OLFML1: variants seen among roughly 807,000 people sequenced by gnomAD.
The protein encoded by OLFML1 is olfactomedin-like protein 1.
Under a neutral mutation model 37.3 loss-of-function variants are expected in OLFML1, and 33 were observed. The observed-to-expected ratio is 0.88, with a 90% CI of 0.67 to 1.18. The LOEUF is 1.18. Ranked by LOEUF, OLFML1 falls within the 50% of genes most tolerant of loss-of-function variation. OLFML1 has a pLI of 0.00. For missense variants in OLFML1, 545 were observed against 483.7 expected (o/e 1.13, Z -1.19); for synonymous variants, 186 against 181.3 (o/e 1.03, Z -0.21).
At position 7,509,732 on chromosome 11, in the gene OLFML1, G is replaced by A; in HGVS notation, c.753G>A (p.Leu251=). The stretch of plus-strand genomic sequence containing the variant: ...AGAGGACTGTGGAAGATCGAATGCT[G>A]CTCCCAGGAGGGGTAGGCCGAGCAT... ...LQKRTVEDRM[L]LPGGVGRALV... The change falls in exon 3 of 3, where the codon CTG becomes CTA. Residue 251 remains leucine, a synonymous_variant. Coordinates refer to ENST00000329293, the MANE Select transcript of OLFML1 (RefSeq NM_198474.4). The A allele has an allele frequency of 6.2e-7, 1 of 1,614,212 alleles. No homozygotes were observed.
rs564596946 is a variant in OLFML1 at position 7,490,538 on chromosome 11, G to C, written c.418+2123G>C. On this transcript the variant is annotated intron_variant, in intron 2 of 2. Transcript: ENST00000329293. ...AGACTACCCTTTCCCATTCCAGCTAGAGCTCAGTGGAGGTCCTGAGACTGG... is the reference window on the plus strand; with the variant it reads ...AGACTACCCTTTCCCATTCCAGCTACAGCTCAGTGGAGGTCCTGAGACTGG... Among the ~76,000 whole-genome samples, 153 of 152,276 alleles carry C rather than the reference G, an allele frequency of 1.0e-3. 1 individual carries two copies. Among genetic ancestry groups the C allele is most frequent in the African/African-American group, 3.6e-3 (151 of 41,566 alleles).
chr11:7,501,549 C>T lies in OLFML1; in HGVS notation c.419-7849C>T, dbSNP rs903459891. On this transcript the variant is annotated intron_variant, in intron 2 of 2. Transcript: ENST00000329293. ...CCACAGTGTGAGACAGGTAAGGCCACTGTGTCCCTGGGAGCAGCCAGTGAT... is the reference window on the plus strand; with the variant it reads ...CCACAGTGTGAGACAGGTAAGGCCATTGTGTCCCTGGGAGCAGCCAGTGAT... Among the ~76,000 whole-genome samples, 3 of 152,330 alleles carry T rather than the reference C, an allele frequency of 2.0e-5. No individual in the cohort carries two copies. The East Asian group carries it at 5.8e-4, about 29-fold the overall frequency.
chr11:7,510,528 T>TA lies in OLFML1; in HGVS notation c.*341dup, dbSNP rs1224236774. On this transcript the variant is annotated 3_prime_UTR_variant, in exon 3 of 3. Transcript: ENST00000329293. ...ACTCTGCCATCTTCCCTCCCACAATTAGAGTTGTATGCCAGCCCCTAATAT... is the reference window on the plus strand; with the variant it reads ...ACTCTGCCATCTTCCCTCCCACAATTAAGAGTTGTATGCCAGCCCCTAATAT... 2 of 214,882 alleles carry TA rather than the reference T, an allele frequency of 9.3e-6. No individual in the cohort carries two copies. Among genetic ancestry groups the TA allele is most frequent in the Admixed American group, 5.2e-5 (1 of 19,346 alleles). The allele number at this position is 214,882 out of a possible 1,614,324, so 13.3% of individuals were successfully genotyped here. A position where few individuals can be genotyped will look rare whatever the true frequency, so the allele number is the denominator to read the frequency against.
intron 1 of OLFML1, among the ~76,000 whole-genome samples, chr11:7,487,650 C>T (rs11041417): frequency 0.21 from 32,320 of 151,802 alleles, 3,767 homozygotes; most frequent in Non-Finnish European, 0.25. Context: ...TTTTTTTTTC[C>T]CTTAATAATC....
chr11:7,504,864 T>G (rs1001900798), intron 2 of OLFML1: 1 of 152,220 alleles, frequency 6.6e-6, no homozygotes, highest in African/African-American at 2.4e-5. Context: ...CCAGTTGACC[T>G]TCAGTGGGCT....
At chr11:7,501,296 G>A (rs528468890) in intron 2 of OLFML1, among the ~76,000 whole-genome samples, 6 of 152,280 alleles carry the variant, frequency 3.9e-5, no homozygotes, top group East Asian at 1.9e-4. Context: ...TATGGCAGGG[G>A]GTCCTTCTGT....
chr11:7,492,690 C>G (rs79731512), intron 2 of OLFML1, among the ~76,000 whole-genome samples: 22,265 of 152,046 alleles, frequency 0.15, 1,762 homozygotes, highest in African/African-American at 0.19. Context: ...GGATGTTTTG[C>G]GGGTAGGTAC....
At chr11:7,502,913 A>G (rs747511623) in intron 2 of OLFML1, among the ~76,000 whole-genome samples, 1 of 152,182 alleles carries the variant, frequency 6.6e-6, no homozygotes, top group Non-Finnish European at 1.5e-5. Flanking sequence ...GCCTTATGTA[A>G]CATTATAATT....
intron 2 of OLFML1, among the ~76,000 whole-genome samples, chr11:7,501,251 T>A (rs1227464276): frequency 6.6e-6 from 1 of 152,194 alleles, no homozygotes; most frequent in African/African-American, 2.4e-5. Context: ...TCATTCCCCA[T>A]CCTACACTGC....
Position 7,510,427 on chromosome 11 carries a change from G to T in OLFML1, c.*239G>T. 2.2e-6 allele frequency: 1 copy of T among 458,276 alleles called. No homozygotes were observed. Among genetic ancestry groups the T allele is most frequent in the Non-Finnish European group, 3.9e-6 (1 of 256,800 alleles). 28.4% of individuals were successfully genotyped at this position (458,276 alleles called of 1,614,324 possible). Reference sequence around the variant, plus strand: ...TGTCCATTACTCCCCCAAACCTCCTGGCTCTCAAGGATGACCACATTCTGA... The same window carrying T: ...TGTCCATTACTCCCCCAAACCTCCTTGCTCTCAAGGATGACCACATTCTGA... On this transcript the variant is annotated 3_prime_UTR_variant, in exon 3 of 3. Transcript: ENST00000329293.
intron 2 of OLFML1, among the ~76,000 whole-genome samples, chr11:7,503,237 C>G (rs1848743912): frequency 6.6e-6 from 1 of 151,814 alleles, no homozygotes; most frequent in African/African-American, 2.4e-5. Context: ...TGGGATGATT[C>G]AGAAAGTGAT....
At chr11:7,497,753 G>A (rs1316643264) in intron 2 of OLFML1, among the ~76,000 whole-genome samples, 1 of 152,172 alleles carries the variant, frequency 6.6e-6, no homozygotes, top group East Asian at 1.9e-4. Flanking sequence ...TTTAGTGCTG[G>A]AAAGCTAGAA....
In OLFML1 at chr11:7,509,832, G is replaced by A; in HGVS notation, c.853G>A (p.Gly285Arg). The A allele has an allele frequency of 6.2e-7, 1 of 1,614,170 alleles. No individual in the cohort carries two copies. Residue 285 changes from glycine (G) to arginine (R), a missense_variant, in exon 3 of 3, where the codon GGG becomes AGG. Transcript: ENST00000329293. The stretch of plus-strand genomic sequence containing the variant: ...GCATGGGCTCTGGGCCATCCACTCT[G>A]GGCCAGGCACCCATAGCCATTTGGT... ...DEHGLWAIHS[G>R]PGTHSHLVLT...
At chr11:7,501,124 T>A (rs188037388) in intron 2 of OLFML1, among the ~76,000 whole-genome samples, 1 of 152,292 alleles carries the variant, frequency 6.6e-6, no homozygotes, top group African/African-American at 2.4e-5. Context: ...TCGTCCTCTA[T>A]GATCAGCATA....
rs147009172 is a variant in OLFML1, at chr11:7,487,492, C to T, written c.130-635C>T. Among the ~76,000 whole-genome samples, 14 of 152,306 alleles carry T rather than the reference C, an allele frequency of 9.2e-5. No individual in the cohort carries two copies. The East Asian group carries it at 2.7e-3, about 29-fold the overall frequency. ...AGCTTTAAGTAGACATTCTCTTTGACCAAGCAATCCCATTTCCATTCATTT... is the reference window on the plus strand; with the variant it reads ...AGCTTTAAGTAGACATTCTCTTTGATCAAGCAATCCCATTTCCATTCATTT... On this transcript the variant is annotated intron_variant, in intron 1 of 2. Coordinates refer to ENST00000329293, the MANE Select transcript of OLFML1 (RefSeq NM_198474.4).
chr11:7,506,341 G>A (rs771328133), intron 2 of OLFML1, among the ~76,000 whole-genome samples: 1 of 152,204 alleles, frequency 6.6e-6, no homozygotes, highest in Admixed American at 6.5e-5. Context: ...TCTTGGACAG[G>A]AGAAATGACA....
At chr11:7,496,034 T>C (rs890895805) in intron 2 of OLFML1, among the ~76,000 whole-genome samples, 2 of 152,144 alleles carry the variant, frequency 1.3e-5, no homozygotes, top group African/African-American at 4.8e-5. Context: ...ACAACAATCG[T>C]TTATCATTTC....
rs1848844375 is a variant in OLFML1 at position 7,510,218 on chromosome 11, G to T, written c.*30G>T. ...TTACAGCTGTGAGAAAGAGCACTGT[G>T]GCTTTGGCAGCTGTTCTACAGGACA... On this transcript the variant is annotated 3_prime_UTR_variant, in exon 3 of 3. Coordinates refer to ENST00000329293, the MANE Select transcript of OLFML1 (RefSeq NM_198474.4). 1 of 1,560,032 alleles carries T rather than the reference G, an allele frequency of 6.4e-7. No individual in the cohort carries two copies. Among genetic ancestry groups the T allele is most frequent in the Admixed American group, 1.8e-5 (1 of 56,478 alleles).
At chr11:7,500,642 T>G (rs964391901) in intron 2 of OLFML1, among the ~76,000 whole-genome samples, 2 of 152,118 alleles carry the variant, frequency 1.3e-5, no homozygotes, top group African/African-American at 4.8e-5. Flanking sequence ...TTCTACATTT[T>G]AGAAATATAT....
Sources: allele counts gnomAD v4.1 joint callset (sites outside exome capture counted in the v4.1 genomes callset), GRCh38; gene constraint gnomAD v4.1.1; transcripts MANE v1.5; gene names NCBI Gene and HGNC (gene_info 2026-07-23, HGNC 2026-07-21).